The following RASEF variants were observed in gnomAD, a reference collection of about 807,000 sequenced individuals.
RASEF encodes the protein RAS and EF-hand domain containing.
A neutral mutation model predicts 90.1 loss-of-function variants in RASEF; 68 were observed. The observed-to-expected ratio is 0.75, with a 90% CI of 0.62 to 0.92. The LOEUF (loss-of-function observed/expected upper bound fraction) is 0.92. Among genes scored for constraint, RASEF ranks in the 40% least tolerant of loss-of-function variants. The pLI is 0.00. For missense variants in RASEF, 949 were observed against 937.2 expected, an observed-to-expected ratio of 1.01 and a Z score of -0.16; for synonymous variants, 331 against 345.2, an observed-to-expected ratio of 0.96 and a Z score of 0.46.
intron 1 of RASEF, among the ~76,000 whole-genome samples, chr9:83,044,327 G>A (rs911140738): frequency 6.6e-6 from 1 of 152,084 alleles, no homozygotes; most frequent in Non-Finnish European, 1.5e-5. Context: ...GGACGGCTAT[G>A]GCTGCCCAAA....
At chr9:83,166,700 CAGA>C in the RASEF span, among the ~76,000 whole-genome samples, 827 of 152,296 alleles carry the variant, frequency 5.4e-3, 6 homozygotes, top group African/African-American at 0.019. Context: ...GACAGACTGA[CAGA>C]GGAATGATTT....
intron 1 of RASEF, among the ~76,000 whole-genome samples, chr9:83,056,077 T>C (rs1185179254): frequency 6.6e-6 from 1 of 152,162 alleles, no homozygotes; most frequent in Non-Finnish European, 1.5e-5. Flanking sequence ...CAAAGAAACA[T>C]TTGCACTACT....
At chr9:83,108,203 A>T in the RASEF span, among the ~76,000 whole-genome samples, 1 of 152,152 alleles carries the variant, frequency 6.6e-6, no homozygotes, top group African/African-American at 2.4e-5. Flanking sequence ...GTACAAGCAG[A>T]TGTGTTCATT....
At position 82,982,660 on chromosome 9, in the gene RASEF, C is replaced by A. The variant is rs1167754117; in HGVS notation, c.*17G>T. On this transcript the variant is annotated 3_prime_UTR_variant, in exon 17 of 17. Transcript: ENST00000376447. ...ATTCTGGAAATGAAGACTTCACAGG[C>A]CAAGGATGTTTGGGATTTAGCCATT... The A allele has an allele frequency of 7.2e-7, 1 of 1,396,342 alleles. No individual in the cohort carries two copies. The highest frequency in any genetic ancestry group is 1.4e-5 in the African/African-American group (1 of 70,640). The allele number at this position is 1,396,342 out of a possible 1,614,324, so 86.5% of individuals were successfully genotyped here. A position where few individuals can be genotyped will look rare whatever the true frequency, so the allele number is the denominator to read the frequency against.
At chr9:83,141,452 AC>A in the RASEF span, among the ~76,000 whole-genome samples, 1 of 152,238 alleles carries the variant, frequency 6.6e-6, no homozygotes, top group Admixed American at 6.5e-5. Flanking sequence ...GATCTAACAT[AC>A]ATGAAAAGGC....
intron 1 of RASEF, among the ~76,000 whole-genome samples, chr9:83,059,585 A>T (rs1463479437): frequency 6.6e-6 from 1 of 152,110 alleles, no homozygotes. Context: ...CTACATTATA[A>T]GTTGGCTCTC....
the RASEF span, among the ~76,000 whole-genome samples, chr9:83,135,643 A>G: frequency 1.3e-5 from 2 of 152,170 alleles, no homozygotes; most frequent in African/African-American, 2.4e-5. Flanking sequence ...AATATTTTCA[A>G]TGTTGAAAAT....
the RASEF span, among the ~76,000 whole-genome samples, chr9:83,119,353 C>T: frequency 1.3e-5 from 2 of 151,970 alleles, no homozygotes; most frequent in Non-Finnish European, 2.9e-5. Flanking sequence ...TGAAACTTTA[C>T]TAAAAATTGG....
At chr9:83,133,519 G>A in the RASEF span, among the ~76,000 whole-genome samples, 44 of 151,768 alleles carry the variant, frequency 2.9e-4, no homozygotes, top group South Asian at 7.9e-3. Flanking sequence ...TGAATACGTC[G>A]AATGATCTAA....
At chr9:82,993,356 A>G (rs1484031392) in intron 14 of RASEF, among the ~76,000 whole-genome samples, 1 of 152,190 alleles carries the variant, frequency 6.6e-6, no homozygotes, top group African/African-American at 2.4e-5. Flanking sequence ...AATCAGTTTT[A>G]TGGCAAAGGA....
At position 83,007,424 on chromosome 9, in the gene RASEF, T is replaced by C. The variant is rs1829153877; in HGVS notation, c.1028+13A>G. The C allele has an allele frequency of 6.3e-7, 1 of 1,584,746 alleles. No homozygotes were observed. ...AAATGTAAATGTAATGAGCATTTGA[T>C]CTGCGGACTTACTGGAGTATTTCAA... On this transcript the variant is annotated intron_variant, in intron 7 of 16. Coordinates refer to ENST00000376447, the MANE Select transcript of RASEF (RefSeq NM_152573.4).
chr9:83,155,401 A>T, the RASEF span, among the ~76,000 whole-genome samples: 1 of 152,216 alleles, frequency 6.6e-6, no homozygotes, highest in Admixed American at 6.5e-5. Context: ...GCAGAAGGTG[A>T]AAGGCATGCC....
chr9:82,988,928 T>C (rs7871259), intron 16 of RASEF, among the ~76,000 whole-genome samples: 16 of 152,292 alleles, frequency 1.1e-4, no homozygotes, highest in African/African-American at 3.6e-4. Context: ...TTAGCACTGT[T>C]TTTGCTTTAA....
chr9:83,096,111 A>G, the RASEF span, among the ~76,000 whole-genome samples: 2 of 152,244 alleles, frequency 1.3e-5, no homozygotes, highest in Admixed American at 6.5e-5. Flanking sequence ...TTGGACAACT[A>G]GCTGAGAGGA....
chr9:83,169,095 C>T, the RASEF span, among the ~76,000 whole-genome samples: 1 of 151,630 alleles, frequency 6.6e-6, no homozygotes, highest in African/African-American at 2.4e-5. Context: ...ATTTTTTTAG[C>T]TCCTATGTGA....
At chr9:83,085,450 A>G in the RASEF span, among the ~76,000 whole-genome samples, 1 of 151,584 alleles carries the variant, frequency 6.6e-6, no homozygotes. Flanking sequence ...CCTAGGCAAC[A>G]TGGCAAAACC....
chr9:83,074,829 A>G, the RASEF span, among the ~76,000 whole-genome samples: 4 of 152,218 alleles, frequency 2.6e-5, no homozygotes, highest in Non-Finnish European at 4.4e-5. Context: ...AAATTTATGC[A>G]TTGCTAAGGA....
At chr9:82,991,794 G>C (rs1828820257) in intron 15 of RASEF, among the ~76,000 whole-genome samples, 1 of 152,200 alleles carries the variant, frequency 6.6e-6, no homozygotes, top group African/African-American at 2.4e-5. Context: ...GCGAAATCAT[G>C]GAGAGGGAAT....
intron 6 of RASEF, among the ~76,000 whole-genome samples, chr9:83,008,847 A>G (rs916323422): frequency 3.0e-5 from 4 of 135,204 alleles, no homozygotes; most frequent in Non-Finnish European, 4.7e-5. Flanking sequence ...GTTAAACCCT[A>G]TAATCTTTTT....
Sources: allele counts gnomAD v4.1 joint callset (sites outside exome capture counted in the v4.1 genomes callset), GRCh38; gene constraint gnomAD v4.1.1; transcripts MANE v1.5; gene names NCBI Gene and HGNC (gene_info 2026-07-23, HGNC 2026-07-21).